The following FRAS1 variants were observed in gnomAD, a reference collection of about 807,000 sequenced individuals.
FRAS1 encodes Fraser extracellular matrix complex subunit 1, also known as extracellular matrix organizing protein FRAS1.
Under a neutral mutation model 435.2 loss-of-function variants are expected in FRAS1, and 290 were observed. The ratio of observed to expected loss-of-function variants is 0.67; its 90% CI spans 0.61 to 0.73. The LOEUF is 0.73. Ranked by LOEUF, FRAS1 falls within the 30% of genes least tolerant of loss-of-function variation. The probability of loss-of-function intolerance (pLI) is 0.00; values close to 1 mark genes in which losing one functional copy is unlikely to be tolerated. For synonymous variants in FRAS1, 1,800 were observed against 1,851.0 expected (o/e 0.97, Z 0.71); for missense variants, 4,860 against 5,001.5 (o/e 0.97, Z 0.85).
chr4:78,189,317 G>A (rs1015541581), intron 2 of FRAS1, among the ~76,000 whole-genome samples: 1 of 152,204 alleles, frequency 6.6e-6, no homozygotes, highest in South Asian at 2.1e-4. Context: ...ACGAGGTAGT[G>A]CATCCCACTT....
At chr4:78,400,915 T>C (rs1300862176) in intron 30 of FRAS1, 28 bp downstream of exon 30, 1 of 1,610,416 alleles carries the variant, frequency 6.2e-7, no homozygotes, top group Non-Finnish European at 8.5e-7. Context: ...TGGCGTGGTT[T>C]CATCGTTGCA....
chr4:78,136,561 T>C (rs1046332328), intron 2 of FRAS1, among the ~76,000 whole-genome samples: 3 of 152,202 alleles, frequency 2.0e-5, no homozygotes, highest in Non-Finnish European at 4.4e-5. Flanking sequence ...TATAACACTT[T>C]AGAGTTGGAA....
At chr4:78,249,800 G>T (rs1037644024) in intron 4 of FRAS1, among the ~76,000 whole-genome samples, 1 of 152,086 alleles carries the variant, frequency 6.6e-6, no homozygotes, top group African/African-American at 2.4e-5. Flanking sequence ...TTGGTGATTG[G>T]CAGGCTGTTG....
At chr4:78,123,910 A>T (rs1372074148) in intron 2 of FRAS1, among the ~76,000 whole-genome samples, 11 of 152,182 alleles carry the variant, frequency 7.2e-5, no homozygotes, top group African/African-American at 2.7e-4. Flanking sequence ...CATACAATCA[A>T]GTCATCTGCA....
chr4:78,148,464 G>A lies in FRAS1; in HGVS notation c.108+82448G>A, dbSNP rs187297049. 1.8e-3 allele frequency among the ~76,000 whole-genome samples: 267 copies of A among 152,284 alleles called. 1 individual carries two copies. The highest frequency in any genetic ancestry group is 3.0e-3 in the Non-Finnish European group (206 of 68,022). The stretch of plus-strand genomic sequence containing the variant: ...TCTTTCTAGTCAGTGGCAACTTAGG[G>A]TAGGGAAGATCCAAAGGGATTTTTA... On this transcript the variant is annotated intron_variant, in intron 2 of 73. Coordinates refer to ENST00000512123, the MANE Select transcript of FRAS1 (RefSeq NM_025074.7).
intron 2 of FRAS1, among the ~76,000 whole-genome samples, chr4:78,169,850 G>A (rs1721479681): frequency 6.6e-6 from 1 of 152,120 alleles, no homozygotes; most frequent in Non-Finnish European, 1.5e-5. Flanking sequence ...GAGTTACACA[G>A]ATCTAGCTTT....
chr4:78,449,543 G>T (rs1660540082), intron 44 of FRAS1, among the ~76,000 whole-genome samples: 1 of 152,060 alleles, frequency 6.6e-6, no homozygotes, highest in Non-Finnish European at 1.5e-5. Context: ...AAAGCGGCTG[G>T]GTAATAAAGC....
At chr4:78,303,384 A>G (rs1325762946) in intron 14 of FRAS1, among the ~76,000 whole-genome samples, 7 of 152,132 alleles carry the variant, frequency 4.6e-5, no homozygotes, top group East Asian at 1.9e-4. Flanking sequence ...GTTTTTTCCA[A>G]TTCTGTGAAG....
chr4:78,464,441 A>G lies in FRAS1; in HGVS notation c.6889-2A>G. 2 of 1,613,986 alleles carry G rather than the reference A, an allele frequency of 1.2e-6. No homozygotes were observed. The highest frequency in any genetic ancestry group is 1.1e-5 in the South Asian group (1 of 91,082). On this transcript the variant is annotated splice_acceptor_variant, in intron 48 of 73. Coordinates refer to ENST00000512123, the MANE Select transcript of FRAS1 (RefSeq NM_025074.7). LOFTEE classifies it high-confidence loss of function. ...CCCACCTGCACTTTCCTGCCATTCT[A>G]GGTGACTCAGACTTTCCATATCACT...
rs1352515703 is a variant in FRAS1, at chr4:78,450,831, G to A, written c.6463+492G>A. On this transcript the variant is annotated intron_variant, in intron 45 of 73. Coordinates refer to ENST00000512123, the MANE Select transcript of FRAS1 (RefSeq NM_025074.7). Reference sequence around the variant, plus strand: ...CTCCATCAGGAAATGCTGATGTAATGTAAAGGCATAAATGTTAAATGCTAC... The same window carrying A: ...CTCCATCAGGAAATGCTGATGTAATATAAAGGCATAAATGTTAAATGCTAC... 2.0e-5 allele frequency among the ~76,000 whole-genome samples: 3 copies of A among 152,176 alleles called. No homozygotes were observed. The East Asian group carries it at 5.8e-4, about 29-fold the overall frequency.
At chr4:78,084,810 A>C (rs2109882958) in intron 2 of FRAS1, among the ~76,000 whole-genome samples, 1 of 152,186 alleles carries the variant, frequency 6.6e-6, no homozygotes, top group African/African-American at 2.4e-5. Flanking sequence ...TTGTTACTGG[A>C]TTGGTCATTG....
At chr4:78,229,531 C>CAAGT (rs1485965031) in intron 2 of FRAS1, among the ~76,000 whole-genome samples, 2 of 152,078 alleles carry the variant, frequency 1.3e-5, no homozygotes, top group Non-Finnish European at 2.9e-5. Flanking sequence ...ACATATTGGG[C>CAAGT]AAGTAAGTCC....
intron 20 of FRAS1, chr4:78,338,102 C>G (rs952696051): frequency 7.2e-6 from 2 of 279,590 alleles, no homozygotes; most frequent in Non-Finnish European, 1.3e-5. Context: ...GCATTCAAAA[C>G]TTCTTAAGAT....
At chr4:78,340,761 C>G (rs1560667665) in intron 20 of FRAS1, among the ~76,000 whole-genome samples, 1 of 152,208 alleles carries the variant, frequency 6.6e-6, no homozygotes, top group Non-Finnish European at 1.5e-5. Context: ...GGAGGCCACT[C>G]TCCTTAGCTT....
chr4:78,233,915 A>G (rs1484972151), intron 2 of FRAS1, among the ~76,000 whole-genome samples: 1 of 152,186 alleles, frequency 6.6e-6, no homozygotes, highest in Non-Finnish European at 1.5e-5. Flanking sequence ...CATAGGGTTG[A>G]CATGTATGTA....
intron 20 of FRAS1, among the ~76,000 whole-genome samples, chr4:78,361,890 A>G (rs998357904): frequency 1.3e-5 from 2 of 151,970 alleles, no homozygotes; most frequent in Non-Finnish European, 1.5e-5. Context: ...CTCCTTTTTC[A>G]TTTGAGGTGG....
intron 20 of FRAS1, among the ~76,000 whole-genome samples, chr4:78,359,353 TTC>T (rs1337995690): frequency 6.6e-6 from 1 of 152,196 alleles, no homozygotes; most frequent in East Asian, 1.9e-4. Flanking sequence ...TCTGGCTTCT[TTC>T]CGTGGAGATC....
chr4:78,181,377 A>G (rs2110050756), intron 2 of FRAS1: 1 of 1,611,864 alleles, frequency 6.2e-7, no homozygotes, highest in South Asian at 1.1e-5. Context: ...ACAGTTCCCC[A>G]GTTGTGAGAT....
intron 65 of FRAS1, among the ~76,000 whole-genome samples, chr4:78,514,483 T>A (rs148570617): frequency 2.8e-4 from 42 of 152,364 alleles, no homozygotes; most frequent in East Asian, 1.9e-3. Flanking sequence ...TAAGCATCAC[T>A]TTTGGTCATG....
Sources: gnomAD v4.1 joint callset for allele counts (sites outside exome capture counted in the v4.1 genomes callset) on GRCh38, gnomAD v4.1.1 for gene constraint, MANE v1.5 for transcripts, NCBI Gene and HGNC (gene_info 2026-07-23, HGNC 2026-07-21) for gene names.